The following RALYL variants were observed in gnomAD, a reference collection of about 807,000 sequenced individuals.
The protein encoded by RALYL is RALY RNA binding protein like.
RALYL carries 29 observed loss-of-function variants against 35.1 expected under a neutral mutation model. The observed-to-expected ratio is 0.83, with a 90% CI of 0.61 to 1.13. The LOEUF (loss-of-function observed/expected upper bound fraction) is 1.13, where lower values mean the gene tolerates loss of function less well. Among genes scored for constraint, RALYL ranks in the 50% most tolerant of loss-of-function variants. The pLI is 0.00. For synonymous variants in RALYL, 120 were observed against 127.6 expected (o/e 0.94, Z 0.40); for missense variants, 359 against 360.4 (o/e 1.00, Z 0.03).
chr8:84,227,250 G>A (rs1824150557), intron 1 of RALYL, among the ~76,000 whole-genome samples: 1 of 151,600 alleles, frequency 6.6e-6, no homozygotes, highest in Non-Finnish European at 1.5e-5. Context: ...AGTAGAGACG[G>A]GGTTTTACCA....
intron 1 of RALYL, among the ~76,000 whole-genome samples, chr8:84,448,949 G>A (rs558620575): frequency 6.6e-6 from 1 of 152,006 alleles, no homozygotes; most frequent in East Asian, 1.9e-4. Context: ...CTGATTATAG[G>A]TAACTTTTAT....
chr8:84,490,079 A>G (rs5892920), intron 1 of RALYL, among the ~76,000 whole-genome samples: 3,088 of 144,452 alleles, frequency 0.021, 69 homozygotes, highest in African/African-American at 0.042. Context: ...GCTTGCGTGC[A>G]TGTGTGTGTG....
intron 1 of RALYL, among the ~76,000 whole-genome samples, chr8:84,376,573 G>A (rs1856955773): frequency 6.6e-6 from 1 of 151,724 alleles, no homozygotes; most frequent in South Asian, 2.1e-4. Flanking sequence ...AGGAAGCAGG[G>A]TACTTGGCAA....
chr8:84,248,934 G>A (rs1485423049), intron 1 of RALYL, among the ~76,000 whole-genome samples: 1 of 151,922 alleles, frequency 6.6e-6, no homozygotes. Context: ...TATCCAGCTT[G>A]ATTATGTCAA....
intron 2 of RALYL, among the ~76,000 whole-genome samples, chr8:84,635,533 T>C (rs1316222401): frequency 6.6e-6 from 1 of 151,740 alleles, no homozygotes; most frequent in East Asian, 1.9e-4. Flanking sequence ...CAACTTCAGT[T>C]CTACTGACAT....
intron 2 of RALYL, among the ~76,000 whole-genome samples, chr8:84,694,195 A>T (rs1838670922): frequency 6.6e-6 from 1 of 151,942 alleles, no homozygotes; most frequent in Non-Finnish European, 1.5e-5. Context: ...ACATGATCTT[A>T]TATAGAGAAA....
chr8:84,412,653 T>C (rs1460248331), intron 1 of RALYL, among the ~76,000 whole-genome samples: 2 of 152,036 alleles, frequency 1.3e-5, no homozygotes, highest in Admixed American at 6.6e-5. Context: ...TCTATATTAA[T>C]GATAAAACTA....
intron 2 of RALYL, among the ~76,000 whole-genome samples, chr8:84,757,656 C>A (rs1400235054): frequency 3.3e-5 from 5 of 152,070 alleles, no homozygotes; most frequent in Non-Finnish European, 7.4e-5. Context: ...GGGCTACCTG[C>A]CATGTAATAT....
rs540146745 is a variant in RALYL at position 84,631,522 on chromosome 8, A to G, written c.256+101945A>G. ...AACCTGTGTAACACTGCTCAAATAC[A>G]TGAGTATAATTATCATAATTTTCAA... On this transcript the variant is annotated intron_variant, in intron 2 of 8. Coordinates refer to ENST00000521268, the MANE Select transcript of RALYL (RefSeq NM_173848.7). 7.2e-5 allele frequency among the ~76,000 whole-genome samples: 11 copies of G among 152,130 alleles called. No homozygotes were observed. In the South Asian group the frequency reaches 2.3e-3, roughly 32 times the overall value.
intron 2 of RALYL, among the ~76,000 whole-genome samples, chr8:84,553,911 A>G (rs779638025): frequency 1.3e-5 from 2 of 152,202 alleles, no homozygotes; most frequent in Non-Finnish European, 2.9e-5. Flanking sequence ...TTACACAAAC[A>G]TTTGCTGTTA....
At chr8:84,617,897 A>G (rs993372527) in intron 2 of RALYL, among the ~76,000 whole-genome samples, 1 of 151,792 alleles carries the variant, frequency 6.6e-6, no homozygotes, top group Admixed American at 6.5e-5. Context: ...GATTACATTT[A>G]TTGATTTGCG....
intron 1 of RALYL, among the ~76,000 whole-genome samples, chr8:84,450,384 G>A (rs1030226200): frequency 2.0e-5 from 3 of 151,780 alleles, no homozygotes; most frequent in Non-Finnish European, 2.9e-5. Flanking sequence ...AATGCCCTCT[G>A]AGAAGGATAG....
chr8:84,285,807 T>C (rs1837490089), intron 1 of RALYL, among the ~76,000 whole-genome samples: 1 of 152,158 alleles, frequency 6.6e-6, no homozygotes. Context: ...GACTGAACAA[T>C]ACAGAAAATT....
At chr8:84,857,389 AAAG>A (rs1409589786) in intron 5 of RALYL, among the ~76,000 whole-genome samples, 4 of 152,344 alleles carry the variant, frequency 2.6e-5, no homozygotes, top group Admixed American at 2.0e-4. Context: ...GAACAAGGAA[AAAG>A]AAGAATTGTT....
chr8:84,444,066 T>A (rs891636922), intron 1 of RALYL, among the ~76,000 whole-genome samples: 5 of 152,134 alleles, frequency 3.3e-5, no homozygotes, highest in African/African-American at 9.7e-5. Context: ...CAGTGGCCCA[T>A]GCCTGTCATG....
At chr8:84,918,479 A>T (rs1437511880) in intron 8 of RALYL, among the ~76,000 whole-genome samples, 1 of 152,040 alleles carries the variant, frequency 6.6e-6, no homozygotes, top group Non-Finnish European at 1.5e-5. Context: ...AGCATTCATC[A>T]TCAGGAGAAT....
At chr8:84,849,394 TTA>T (rs1432723470) in intron 4 of RALYL, among the ~76,000 whole-genome samples, 1 of 152,170 alleles carries the variant, frequency 6.6e-6, no homozygotes, top group African/African-American at 2.4e-5. Flanking sequence ...ACCTTTCCAT[TTA>T]TCTTATTTCA....
At chr8:84,189,237 C>G (rs1182466832) in intron 1 of RALYL, among the ~76,000 whole-genome samples, 1 of 152,162 alleles carries the variant, frequency 6.6e-6, no homozygotes, top group African/African-American at 2.4e-5. Context: ...TCTTATATTA[C>G]AAAATACTAG....
intron 2 of RALYL, among the ~76,000 whole-genome samples, chr8:84,583,113 CACA>C (rs1403860041): frequency 1.3e-5 from 2 of 152,198 alleles, no homozygotes; most frequent in Admixed American, 6.5e-5. Flanking sequence ...TCAAAACTGA[CACA>C]ACATTTTCTT....
Sources: allele counts gnomAD v4.1 joint callset (sites outside exome capture counted in the v4.1 genomes callset), GRCh38; gene constraint gnomAD v4.1.1; transcripts MANE v1.5; gene names NCBI Gene and HGNC (gene_info 2026-07-23, HGNC 2026-07-21).